Variants in BEND2 observed in about 807,000 individuals in gnomAD.
BEND2 encodes the protein BEN domain containing 2, also known as BEN domain-containing protein 2.
BEND2 carries 19 observed loss-of-function variants against 43.8 expected under a neutral mutation model. The ratio of observed to expected loss-of-function variants is 0.43; its 90% CI spans 0.30 to 0.64. The LOEUF (loss-of-function observed/expected upper bound fraction) is 0.64, where lower values mean the gene tolerates loss of function less well. Among genes scored for constraint, BEND2 ranks in the 30% least tolerant of loss-of-function variants. The pLI is 0.11. For synonymous variants in BEND2, 226 were observed against 210.1 expected, an observed-to-expected ratio of 1.08 and a Z score of -0.66; for missense variants, 544 against 574.0, an observed-to-expected ratio of 0.95 and a Z score of 0.53.
At chrX:18,167,695 C>A (rs1019779947) in intron 13 of BEND2, among the ~76,000 whole-genome samples, 2 of 111,337 alleles carry the variant, frequency 1.8e-5, no homozygotes, top group African/African-American at 6.5e-5. Context: ...TCCCAAGTAG[C>A]TAGGGAGTAG....
In BEND2 at chrX:18,201,892, G is replaced by A. The variant is rs780303734; in HGVS notation, c.956C>T (p.Ala319Val). Residue 319 changes from alanine (A) to valine (V), a missense_variant, in exon 6 of 14, where the codon GCG becomes GTG. By Grantham distance (64) the Ala-to-Val change is moderately conservative. Around this residue, in one of 2 missense-constraint regions of BEND2, gnomAD observed 501 missense variants for 501.6 expected, o/e 1.00. Transcript: ENST00000380033. The part of the protein sequence containing the change: ...ANSSKNSTET[A>V]NYPTLMGNYN... ...ATTTCCCATTAAAGTTGGATAATTC[G>A]CTGTCTCAGTGCTGTTTTTACTGCT... 20 of 1,207,783 alleles carry A rather than the reference G, an allele frequency of 1.7e-5. No homozygotes were observed. Among genetic ancestry groups the A allele is most frequent in the Admixed American group, 8.8e-5 (4 of 45,367 alleles).
intron 4 of BEND2, among the ~76,000 whole-genome samples, chrX:18,208,987 T>G (rs769520534): frequency 9.0e-6 from 1 of 110,942 alleles, no homozygotes; most frequent in Non-Finnish European, 1.9e-5. Flanking sequence ...AAAGTACAGA[T>G]GAGCCTAGAC....
intron 13 of BEND2, among the ~76,000 whole-genome samples, chrX:18,169,401 G>A (rs940181584): frequency 2.7e-5 from 3 of 110,468 alleles, no homozygotes; most frequent in South Asian, 3.9e-4. Flanking sequence ...GTCTATTATC[G>A]GTGATGGGGG....
Position 18,195,450 on chromosome X carries a change from G to GAAAAAAAA in BEND2, c.1034-16_1034-9dup. ...TAAGTATAATTTTCTCAGCTATTGG[G>GAAAAAAAA]AAAAAAAAAGAATGCTCAATCATAA... On this transcript the variant is annotated splice_polypyrimidine_tract_variant and intron_variant, in intron 6 of 13. Coordinates refer to ENST00000380033, the MANE Select transcript of BEND2 (RefSeq NM_153346.5). 2 of 1,159,314 alleles carry GAAAAAAAA rather than the reference G, an allele frequency of 1.7e-6. No homozygotes were observed.
At position 18,165,110 on chromosome X, in the gene BEND2, T is replaced by G. The variant is rs920593025; in HGVS notation, c.2299A>C (p.Arg767=). ...AGCGACTGAGACCTGGCTTCAGCCC[T>G]TCTGACGTCATGTCTAAGGCTACGG... ...GIRSLRHDVR[R]AEARSQSLPA... is the part of the protein sequence containing the mutation. Residue 767 remains arginine, a synonymous_variant, in exon 14 of 14, where the codon AGG becomes CGG. Transcript: ENST00000380033. 1 of 1,208,560 alleles carries G rather than the reference T, an allele frequency of 8.3e-7. No individual in the cohort carries two copies. The highest frequency in any genetic ancestry group is 1.1e-6 in the Non-Finnish European group (1 of 895,084).
chrX:18,177,607 C>G lies in BEND2; in HGVS notation c.1592G>C (p.Ser531Thr), dbSNP rs776275603. ...SSSVDIHLKD[S>T]QSLDPNKMAA... ...CATTTTGTTCGGGTCGAGGGATTGG[C>G]TGTCTTTCAAATGGATATCCACTGA... The change falls in exon 10 of 14, where the codon AGC becomes ACC. Residue 531 changes from serine to threonine, a missense_variant. Physicochemically the swap from Ser to Thr is moderately conservative, Grantham distance 58. Around this residue, in one of 2 missense-constraint regions of BEND2, gnomAD observed 501 missense variants for 501.6 expected, o/e 1.00. Transcript: ENST00000380033. 4 of 1,209,183 alleles carry G rather than the reference C, an allele frequency of 3.3e-6. No homozygotes were observed. The African/African-American group carries it at 7.0e-5, about 21-fold the overall frequency.
chrX:18,204,664 G>T (rs2147426519), intron 4 of BEND2, among the ~76,000 whole-genome samples: 1 of 111,669 alleles, frequency 9.0e-6, no homozygotes, highest in African/African-American at 3.3e-5. Context: ...TTCGAGGCCT[G>T]GCTGTAGGTG....
intron 4 of BEND2, among the ~76,000 whole-genome samples, chrX:18,206,210 G>C (rs769964771): frequency 3.5e-4 from 39 of 111,426 alleles, no homozygotes; most frequent in Middle Eastern, 4.6e-3. Context: ...GCAGGAACAG[G>C]AGGCTAAGCA....
intron 7 of BEND2, among the ~76,000 whole-genome samples, chrX:18,192,131 T>G (rs750513683): frequency 8.9e-6 from 1 of 112,294 alleles, no homozygotes; most frequent in East Asian, 2.8e-4. Flanking sequence ...CTGGTGACTG[T>G]TGTTTTCTAA....
At chrX:18,208,066 T>A (rs1375783166) in intron 4 of BEND2, among the ~76,000 whole-genome samples, 4 of 110,791 alleles carry the variant, frequency 3.6e-5, no homozygotes, top group African/African-American at 6.6e-5. Flanking sequence ...TGATTAAAAA[T>A]TTTTTTGGCT....
chrX:18,166,925 A>G (rs1161641633), intron 13 of BEND2, among the ~76,000 whole-genome samples: 2 of 110,279 alleles, frequency 1.8e-5, no homozygotes, highest in East Asian at 2.8e-4. Flanking sequence ...AGTGAAACCC[A>G]TCTATTGACT....
In BEND2 at chrX:18,201,870, T is replaced by C. The variant is rs1925177741; in HGVS notation, c.978A>G (p.Gly326=). 4 of 1,210,343 alleles carry C rather than the reference T, an allele frequency of 3.3e-6. No individual in the cohort carries two copies. The South Asian group carries it at 7.1e-5, about 21-fold the overall frequency. ...AGGCAGTATTTTGGCCATTGTAATT[T>C]CCCATTAAAGTTGGATAATTCGCTG... The part of the protein sequence containing the change: ...TETANYPTLM[G]NYNGQNTASL... Residue 326 remains glycine, a synonymous_variant, in exon 6 of 14, where the codon GGA becomes GGG. Coordinates refer to ENST00000380033, the MANE Select transcript of BEND2 (RefSeq NM_153346.5).
intron 13 of BEND2, among the ~76,000 whole-genome samples, chrX:18,166,074 T>C (rs969113197): frequency 5.3e-5 from 6 of 112,365 alleles, no homozygotes; most frequent in African/African-American, 1.9e-4. Flanking sequence ...AATTAATTAA[T>C]GGATCAGCGG....
At chrX:18,179,479 G>T (rs762907911) in intron 9 of BEND2, among the ~76,000 whole-genome samples, 1 of 110,628 alleles carries the variant, frequency 9.0e-6, no homozygotes, top group Non-Finnish European at 1.9e-5. Context: ...CACAATTCTT[G>T]AAATTTCTTC....
chrX:18,178,129 C>T (rs959639400), intron 9 of BEND2, among the ~76,000 whole-genome samples: 9 of 111,711 alleles, frequency 8.1e-5, no homozygotes, highest in South Asian at 3.8e-4. Context: ...CTCCATTTCA[C>T]GCTCTAAGAG....
intron 12 of BEND2, 43 bp from the exon 13 acceptor site, chrX:18,171,247 T>C (rs1923969127): frequency 8.8e-7 from 1 of 1,130,276 alleles, no homozygotes; most frequent in Non-Finnish European, 1.2e-6. Flanking sequence ...TAGCAAATGT[T>C]AGATTGCATT....
chrX:18,167,445 C>G (rs1923853407), intron 13 of BEND2, among the ~76,000 whole-genome samples: 1 of 112,087 alleles, frequency 8.9e-6, no homozygotes. Flanking sequence ...CCTACATTAA[C>G]ATTAAAAGGT....
chrX:18,166,940 C>T (rs1307973118), intron 13 of BEND2, among the ~76,000 whole-genome samples: 1 of 109,833 alleles, frequency 9.1e-6, no homozygotes, highest in Non-Finnish European at 1.9e-5. Flanking sequence ...TTGACTGAGG[C>T]CCTTGGAGTG....
intron 7 of BEND2, among the ~76,000 whole-genome samples, chrX:18,192,865 C>T (rs1201465571): frequency 1.8e-5 from 2 of 112,010 alleles, no homozygotes; most frequent in African/African-American, 3.2e-5. Context: ...ATGGGCCGGG[C>T]GTGGTGGCTC....
Sources: allele counts gnomAD v4.1 joint callset (sites outside exome capture counted in the v4.1 genomes callset), GRCh38; gene constraint gnomAD v4.1.1; regional missense constraint gnomAD v4.1.1; transcripts MANE v1.5; gene names NCBI Gene and HGNC (gene_info 2026-07-23, HGNC 2026-07-21).